Variants in HTR4 observed in about 807,000 individuals in gnomAD.
HTR4 encodes 5-hydroxytryptamine receptor 4.
In HTR4, 16 loss-of-function variants were observed where a neutral mutation model predicts 36.8. That is an observed-to-expected ratio of 0.43 (90% CI 0.29 to 0.66). HTR4 has a LOEUF of 0.66. Ranked by LOEUF, HTR4 falls within the 30% of genes least tolerant of loss-of-function variation. The probability of loss-of-function intolerance (pLI) is 0.13; values close to 1 mark genes in which losing one functional copy is unlikely to be tolerated. For missense variants in HTR4, 438 were observed against 490.9 expected, an observed-to-expected ratio of 0.89 and a Z score of 1.02; for synonymous variants, 189 against 185.1, an observed-to-expected ratio of 1.02 and a Z score of -0.17.
At chr5:148,560,204 TTA>T (rs375089079) in intron 2 of HTR4, among the ~76,000 whole-genome samples, 25,048 of 124,846 alleles carry the variant, frequency 0.2, 2,287 homozygotes, top group Non-Finnish European at 0.23. Flanking sequence ...AGCTTTTTTT[TTA>T]AAAAAAAAAA....
chr5:148,615,259 A>G (rs905075127), intron 2 of HTR4, among the ~76,000 whole-genome samples: 1 of 152,182 alleles, frequency 6.6e-6, no homozygotes, highest in Non-Finnish European at 1.5e-5. Context: ...TATTCACAAT[A>G]GCAAAGACTT....
intron 6 of HTR4, among the ~76,000 whole-genome samples, chr5:148,496,736 C>T (rs1756701064): frequency 6.6e-6 from 1 of 152,134 alleles, no homozygotes; most frequent in African/African-American, 2.4e-5. Context: ...AGATGGGATG[C>T]CCATCACCAG....
At position 148,482,189 on chromosome 5, in the gene HTR4, C is replaced by G. The variant is rs1349854235; in HGVS notation, c.*1014G>C. The G allele has an allele frequency of 4.1e-6, 4 of 985,438 alleles. No homozygotes were observed. Among genetic ancestry groups the G allele is most frequent in the Non-Finnish European group, 4.8e-6 (4 of 830,052 alleles). The allele number at this position is 985,438 out of a possible 1,614,324, so 61.0% of individuals were successfully genotyped here. A position where few individuals can be genotyped will look rare whatever the true frequency, so the allele number is the denominator to read the frequency against. On this transcript the variant is annotated 3_prime_UTR_variant, in exon 7 of 7. Transcript: ENST00000377888. ...GCTGCTGGATCCTGCCCTCCTGCAC[C>G]TTGGGGGAGCTGCAGGGGAAAATGA...
intron 2 of HTR4, among the ~76,000 whole-genome samples, chr5:148,554,354 C>T (rs1440288599): frequency 6.6e-6 from 1 of 152,162 alleles, no homozygotes; most frequent in Non-Finnish European, 1.5e-5. Flanking sequence ...GGATTACAGG[C>T]ATGAGCCACC....
intron 1 of HTR4, among the ~76,000 whole-genome samples, chr5:148,647,835 C>G (rs879606506): frequency 6.6e-6 from 1 of 152,120 alleles, no homozygotes; most frequent in South Asian, 2.1e-4. Flanking sequence ...GCTGACAGAG[C>G]GAGACTCCAT....
At chr5:148,497,792 A>T (rs899925439) in intron 6 of HTR4, among the ~76,000 whole-genome samples, 1 of 152,240 alleles carries the variant, frequency 6.6e-6, no homozygotes, top group Non-Finnish European at 1.5e-5. Flanking sequence ...AGAATTCCAC[A>T]CACTGGCATT....
chr5:148,635,380 G>A (rs905721004), intron 2 of HTR4, among the ~76,000 whole-genome samples: 2 of 152,058 alleles, frequency 1.3e-5, no homozygotes, highest in African/African-American at 4.8e-5. Context: ...GGGAGTGGGT[G>A]AGGAGAAACA....
intron 5 of HTR4, among the ~76,000 whole-genome samples, chr5:148,470,406 A>T (rs1755534785): frequency 6.6e-6 from 1 of 152,222 alleles, no homozygotes; most frequent in South Asian, 2.1e-4. Context: ...TAAGGATTCA[A>T]ATGCAGGCAT....
At chr5:148,487,139 G>A (rs1756201396) in intron 6 of HTR4, among the ~76,000 whole-genome samples, 1 of 152,140 alleles carries the variant, frequency 6.6e-6, no homozygotes, top group Non-Finnish European at 1.5e-5. Context: ...AAATCTGTAA[G>A]GCAAGAAGGT....
chr5:148,451,079 C>T, exon 6 of HTR4: 1 of 1,571,882 alleles, frequency 6.4e-7, no homozygotes, highest in Non-Finnish European at 8.6e-7. Flanking sequence ...GCCCCTACTA[C>T]CTGATGCCTC....
At chr5:148,483,879 TACA>T (rs1190644839) in intron 6 of HTR4, among the ~76,000 whole-genome samples, 1 of 152,086 alleles carries the variant, frequency 6.6e-6, no homozygotes, top group Admixed American at 6.5e-5. Context: ...TCGTTTTTGA[TACA>T]ACAACTGTCA....
At chr5:148,583,473 GA>G (rs577224344) in intron 2 of HTR4, among the ~76,000 whole-genome samples, 14 of 149,126 alleles carry the variant, frequency 9.4e-5, no homozygotes, top group East Asian at 3.9e-4. Flanking sequence ...ATATTTTGCA[GA>G]AAAAAAAAGA....
intron 5 of HTR4, among the ~76,000 whole-genome samples, chr5:148,458,399 C>A (rs1755177709): frequency 1.3e-5 from 2 of 151,926 alleles, no homozygotes; most frequent in Admixed American, 6.6e-5. Context: ...AGTGCCATGC[C>A]TTGGACATAT....
rs765027593 is a variant in HTR4, at chr5:148,465,814, C to T, written c.1077-14542G>A. Reference sequence around the variant, plus strand: ...TTGTATAAAGAAATAAATAGGCAGACACAGACAGACTCACAACAGACAGTG... The same window carrying T: ...TTGTATAAAGAAATAAATAGGCAGATACAGACAGACTCACAACAGACAGTG... On this transcript the variant is annotated intron_variant, in intron 5 of 5. Transcript: ENST00000521530. 4 of 1,594,058 alleles carry T rather than the reference C, an allele frequency of 2.5e-6. No homozygotes were observed. In the South Asian group the frequency reaches 4.6e-5, roughly 18 times the overall value.
intron 1 of HTR4, among the ~76,000 whole-genome samples, chr5:148,652,181 G>T (rs932381657): frequency 1.3e-5 from 2 of 151,988 alleles, no homozygotes; most frequent in Non-Finnish European, 1.5e-5. Context: ...CCCAAGTAAG[G>T]GTCTTACCTG....
At chr5:148,636,456 G>A (rs1419105462) in intron 2 of HTR4, among the ~76,000 whole-genome samples, 3 of 152,046 alleles carry the variant, frequency 2.0e-5, no homozygotes, top group African/African-American at 7.2e-5. Context: ...ATCTTCCCTA[G>A]GAGTCAGACT....
chr5:148,467,501 T>C (rs1415860296), intron 5 of HTR4, among the ~76,000 whole-genome samples: 2 of 152,210 alleles, frequency 1.3e-5, no homozygotes, highest in East Asian at 3.8e-4. Flanking sequence ...AGCCCTTTCC[T>C]TGTGAAAATT....
intron 2 of HTR4, among the ~76,000 whole-genome samples, chr5:148,579,385 C>T (rs1761050302): frequency 6.6e-6 from 1 of 151,904 alleles, no homozygotes; most frequent in African/African-American, 2.4e-5. Flanking sequence ...TGCGTAATTC[C>T]CTACGTTAAG....
chr5:148,486,039 T>C (rs1228016686), intron 6 of HTR4, among the ~76,000 whole-genome samples: 1 of 152,180 alleles, frequency 6.6e-6, no homozygotes, highest in South Asian at 2.1e-4. Flanking sequence ...CTATTTGATG[T>C]CTAATGCCAG....
Sources: gnomAD v4.1 joint callset for allele counts (sites outside exome capture counted in the v4.1 genomes callset) on GRCh38, gnomAD v4.1.1 for gene constraint, MANE v1.5 for transcripts, NCBI Gene and HGNC (gene_info 2026-07-23, HGNC 2026-07-21) for gene names.